The following PDZRN3 variants were observed in gnomAD, a reference collection of about 807,000 sequenced individuals.
PDZRN3 encodes the protein PDZ domain containing ring finger 3, also known as E3 ubiquitin-protein ligase PDZRN3.
A neutral mutation model predicts 85.7 loss-of-function variants in PDZRN3; 38 were observed. The ratio of observed to expected loss-of-function variants is 0.44; its 90% confidence interval spans 0.34 to 0.58. The LOEUF (loss-of-function observed/expected upper bound fraction) is 0.58. PDZRN3 is among the 20% of genes least tolerant of loss of function. PDZRN3 has a pLI of 0.01. For synonymous variants in PDZRN3, 759 were observed against 638.0 expected (o/e 1.19, Z -2.86); for missense variants, 1,629 against 1,506.4 (o/e 1.08, Z -1.35).
chr3:73,454,886 T>G (rs576175853), intron 3 of PDZRN3, among the ~76,000 whole-genome samples: 13 of 151,952 alleles, frequency 8.6e-5, no homozygotes, highest in Non-Finnish European at 1.2e-4. Context: ...ATTTTAAAGT[T>G]TCTTCATTTT....
intron 3 of PDZRN3, among the ~76,000 whole-genome samples, chr3:73,408,457 G>A (rs564330127): frequency 6.6e-6 from 1 of 152,226 alleles, no homozygotes; most frequent in Non-Finnish European, 1.5e-5. Context: ...GCCTAGTGAG[G>A]TGTTCTTAAG....
At chr3:73,472,955 TTGTC>T (rs1297610901) in intron 3 of PDZRN3, among the ~76,000 whole-genome samples, 4 of 152,220 alleles carry the variant, frequency 2.6e-5, no homozygotes, top group Non-Finnish European at 5.9e-5. Flanking sequence ...ACTGCATTCT[TTGTC>T]TGTTTATATA....
At chr3:73,438,680 G>C (rs1702577308) in intron 3 of PDZRN3, among the ~76,000 whole-genome samples, 1 of 152,104 alleles carries the variant, frequency 6.6e-6, no homozygotes, top group African/African-American at 2.4e-5. Flanking sequence ...CTTTCTTCTG[G>C]ATCACACAGA....
intron 3 of PDZRN3, among the ~76,000 whole-genome samples, chr3:73,549,668 T>G (rs1034383403): frequency 6.6e-6 from 1 of 152,120 alleles, no homozygotes; most frequent in Non-Finnish European, 1.5e-5. Flanking sequence ...GAAAGAGAAA[T>G]GTAGGGCGTG....
At chr3:73,511,056 T>C (rs1362309747) in intron 3 of PDZRN3, among the ~76,000 whole-genome samples, 1 of 152,106 alleles carries the variant, frequency 6.6e-6, no homozygotes, top group Non-Finnish European at 1.5e-5. Flanking sequence ...TTTTAACATA[T>C]ACAAAGGGAG....
intron 3 of PDZRN3, among the ~76,000 whole-genome samples, chr3:73,556,361 T>C (rs532410531): frequency 1.3e-5 from 2 of 152,086 alleles, no homozygotes; most frequent in East Asian, 3.9e-4. Context: ...ATAATACAAA[T>C]AGTAATTTGT....
Position 73,622,631 on chromosome 3 carries a change from C to T in PDZRN3, c.723+1472G>A, listed in dbSNP as rs186517828. Among the ~76,000 whole-genome samples, 307 of 152,310 alleles carry T rather than the reference C, an allele frequency of 2.0e-3. 8 individuals carry two copies. The highest frequency in any genetic ancestry group is 0.017 in the Admixed American group (259 of 15,300). ...GAATGCTGCTAAACATCCTACAATG[C>T]ACAGCACAGTACCTCCCCTCCCAAC... On this transcript the variant is annotated intron_variant, in intron 1 of 9. Coordinates refer to ENST00000263666, the MANE Select transcript of PDZRN3 (RefSeq NM_015009.3).
intron 3 of PDZRN3, among the ~76,000 whole-genome samples, chr3:73,414,957 C>T (rs562859730): frequency 5.9e-5 from 9 of 152,306 alleles, no homozygotes; most frequent in South Asian, 2.1e-4. Context: ...TTAACACTTC[C>T]GCGTTATTTT....
At chr3:73,532,832 C>G (rs2106759373) in intron 3 of PDZRN3, among the ~76,000 whole-genome samples, 1 of 152,282 alleles carries the variant, frequency 6.6e-6, no homozygotes, top group African/African-American at 2.4e-5. Context: ...GGTCAATGGT[C>G]TATTGTGGTA....
At chr3:73,443,260 A>G (rs1034982970) in intron 3 of PDZRN3, among the ~76,000 whole-genome samples, 1 of 152,096 alleles carries the variant, frequency 6.6e-6, no homozygotes. Context: ...TCTGACTTGC[A>G]GCCACCCCAG....
chr3:73,403,980 G>A (rs980630710), intron 4 of PDZRN3, among the ~76,000 whole-genome samples, 168 bp downstream of exon 4: 9 of 152,150 alleles, frequency 5.9e-5, no homozygotes, highest in Non-Finnish European at 1.2e-4. Context: ...ATGTCGGAGC[G>A]GTTTTGAGCA....
At chr3:73,484,938 T>C (rs1703636788) in intron 3 of PDZRN3, among the ~76,000 whole-genome samples, 1 of 152,202 alleles carries the variant, frequency 6.6e-6, no homozygotes, top group African/African-American at 2.4e-5. Context: ...AACCTTCTCC[T>C]AGAGGAAGTG....
intron 3 of PDZRN3, among the ~76,000 whole-genome samples, chr3:73,406,762 A>C (rs1309036478): frequency 2.0e-5 from 3 of 152,212 alleles, no homozygotes; most frequent in African/African-American, 7.2e-5. Context: ...TTACTATGGC[A>C]TATTTTTCCT....
At chr3:73,477,501 G>C (rs1266831050) in intron 3 of PDZRN3, among the ~76,000 whole-genome samples, 1 of 152,168 alleles carries the variant, frequency 6.6e-6, no homozygotes, top group African/African-American at 2.4e-5. Context: ...TAAAATTAAA[G>C]TCTGCTTGGT....
At chr3:73,508,539 A>C (rs1218045032) in intron 3 of PDZRN3, among the ~76,000 whole-genome samples, 1 of 152,168 alleles carries the variant, frequency 6.6e-6, no homozygotes, top group African/African-American at 2.4e-5. Context: ...GCAGGAGACT[A>C]TCAGTGACTT....
chr3:73,475,929 T>G (rs988509000), intron 3 of PDZRN3, among the ~76,000 whole-genome samples: 1 of 152,166 alleles, frequency 6.6e-6, no homozygotes, highest in African/African-American at 2.4e-5. Flanking sequence ...ACCCGCAAAA[T>G]GTACCACAGA....
chr3:73,387,162 G>A (rs1701413878), intron 8 of PDZRN3, among the ~76,000 whole-genome samples: 1 of 152,170 alleles, frequency 6.6e-6, no homozygotes, highest in African/African-American at 2.4e-5. Context: ...GTGGAACTGT[G>A]AGTCCATGAA....
At chr3:73,445,969 T>A (rs1702740600) in intron 3 of PDZRN3, among the ~76,000 whole-genome samples, 1 of 152,146 alleles carries the variant, frequency 6.6e-6, no homozygotes, top group South Asian at 2.1e-4. Flanking sequence ...GATACAAAGG[T>A]GTAAAACCCA....
chr3:73,569,626 G>C, intron 3 of PDZRN3: 1 of 961,158 alleles, frequency 1.0e-6, no homozygotes, highest in African/African-American at 1.8e-5. Context: ...CCTGTGTCTG[G>C]GGTCTTCTCC....
Sources: gnomAD v4.1 joint callset for allele counts (sites outside exome capture counted in the v4.1 genomes callset) on GRCh38, gnomAD v4.1.1 for gene constraint, MANE v1.5 for transcripts, NCBI Gene and HGNC (gene_info 2026-07-23, HGNC 2026-07-21) for gene names.